SPATA22: variants seen among roughly 807,000 people sequenced by gnomAD.
The protein encoded by SPATA22 is spermatogenesis-associated protein 22.
SPATA22 carries 29 observed loss-of-function variants against 47.8 expected under a neutral mutation model. The observed-to-expected ratio is 0.61, with a 90% CI of 0.45 to 0.83. The LOEUF is 0.83. Among genes scored for constraint, SPATA22 ranks in the 40% least tolerant of loss-of-function variants. The pLI, the probability that SPATA22 is intolerant of heterozygous loss-of-function variation, is 0.00. For missense variants in SPATA22, 410 were observed against 421.7 expected (o/e 0.97, Z 0.24); for synonymous variants, 133 against 140.9 (o/e 0.94, Z 0.40).
rs753011197 is a variant in SPATA22, at chr17:3,446,561, C to G, written c.713G>C (p.Ser238Thr). 1.9e-6 allele frequency: 3 copies of G among 1,600,428 alleles called. No individual in the cohort carries two copies. Among genetic ancestry groups the G allele is most frequent in the African/African-American group, 2.7e-5 (2 of 74,468 alleles). Residue 238 changes from serine to threonine, a missense_variant, in exon 7 of 9, where the codon AGT becomes ACT. Coordinates refer to ENST00000572969, the MANE Select transcript of SPATA22 (RefSeq NM_001170698.2). Reference sequence around the variant, plus strand: ...AACTGCAGAAATAATTCTTAAAGAACTAGCTTTTTCCTTAAACTGTAACTG... The same window carrying G: ...AACTGCAGAAATAATTCTTAAAGAAGTAGCTTTTTCCTTAAACTGTAACTG... Reference protein sequence around the residue: ...LYQLQFKEKASSLRIISAVIE... With the variant: ...LYQLQFKEKATSLRIISAVIE...
intron 1 of SPATA22, among the ~76,000 whole-genome samples, chr17:3,507,342 T>A (rs2074050188): frequency 6.6e-6 from 1 of 152,224 alleles, no homozygotes; most frequent in Admixed American, 6.5e-5. Context: ...TGGCACTTTA[T>A]AAATATTCAT....
At chr17:3,464,772 C>T (rs1371016057) in intron 3 of SPATA22, among the ~76,000 whole-genome samples, 2 of 133,240 alleles carry the variant, frequency 1.5e-5, no homozygotes, top group Non-Finnish European at 3.3e-5. Context: ...AGTGAGGAGC[C>T]CCTCCGCCCG....
At chr17:3,451,957 A>T (rs1241196668) in intron 5 of SPATA22, among the ~76,000 whole-genome samples, 1 of 151,698 alleles carries the variant, frequency 6.6e-6, no homozygotes, top group Non-Finnish European at 1.5e-5. Flanking sequence ...AATTAAAAAA[A>T]AAAAAAAGAA....
chr17:3,459,554 C>T (rs1000784609), intron 5 of SPATA22, among the ~76,000 whole-genome samples: 7 of 152,098 alleles, frequency 4.6e-5, no homozygotes, highest in Admixed American at 6.5e-5. Context: ...TACAGGCATG[C>T]GCCACCACGC....
chr17:3,458,070 A>G (rs1030582009), intron 5 of SPATA22, among the ~76,000 whole-genome samples: 1 of 152,240 alleles, frequency 6.6e-6, no homozygotes, highest in Non-Finnish European at 1.5e-5. Flanking sequence ...TTGGCAAACT[A>G]TGTAACTGTT....
chr17:3,451,668 G>T (rs960012894), intron 5 of SPATA22, among the ~76,000 whole-genome samples: 1 of 152,106 alleles, frequency 6.6e-6, no homozygotes, highest in Admixed American at 6.5e-5. Flanking sequence ...GGAAAAATTC[G>T]CCAGGCATGG....
chr17:3,509,372 T>C (rs1234601711), intron 1 of SPATA22, among the ~76,000 whole-genome samples: 1 of 152,138 alleles, frequency 6.6e-6, no homozygotes, highest in Admixed American at 6.6e-5. Flanking sequence ...TGTGTCCATA[T>C]GTTCTCAATG....
At chr17:3,472,152 C>G (rs1457705658), upstream of SPATA22, 2 of 152,472 alleles carry the variant, frequency 1.3e-5, no homozygotes, top group East Asian at 3.8e-4. Context: ...GGTGGCCACC[C>G]AGAGTGTGCC....
At chr17:3,463,370 T>G (rs1174239383) in intron 3 of SPATA22, among the ~76,000 whole-genome samples, 1 of 152,244 alleles carries the variant, frequency 6.6e-6, no homozygotes, top group African/African-American at 2.4e-5. Flanking sequence ...CTATTGTTCC[T>G]AGGCTACAAA....
At chr17:3,471,443 C>T (rs1597416434) in intron 1 of SPATA22, 24 of 985,468 alleles carry the variant, frequency 2.4e-5, no homozygotes, top group Non-Finnish European at 2.9e-5. Context: ...CCAATCCCAG[C>T]TCCCAAATGG....
At chr17:3,492,517 T>G (rs972213991) in intron 1 of SPATA22, among the ~76,000 whole-genome samples, 2 of 152,208 alleles carry the variant, frequency 1.3e-5, no homozygotes, top group African/African-American at 4.8e-5. Context: ...TATCCTTCTG[T>G]TCAGAGATAG....
At chr17:3,442,172 C>T (rs1402311615) in intron 8 of SPATA22, among the ~76,000 whole-genome samples, 1 of 151,844 alleles carries the variant, frequency 6.6e-6, no homozygotes, top group East Asian at 1.9e-4. Flanking sequence ...TAAAAAACTT[C>T]AGACTAGATA....
intron 1 of SPATA22, among the ~76,000 whole-genome samples, chr17:3,494,686 G>A (rs566891155): frequency 7.2e-5 from 11 of 152,246 alleles, no homozygotes; most frequent in African/African-American, 2.6e-4. Flanking sequence ...CACGCTCAAT[G>A]GAATTTATAG....
At chr17:3,512,474 G>A (rs571159602) in intron 1 of SPATA22, 8 of 152,202 alleles carry the variant, frequency 5.3e-5, no homozygotes, top group Non-Finnish European at 1.2e-4. Flanking sequence ...TTTGCCTCAA[G>A]CCAGATGAAC....
chr17:3,508,578 T>G (rs1161476836), intron 1 of SPATA22, among the ~76,000 whole-genome samples: 1 of 144,062 alleles, frequency 6.9e-6, no homozygotes, highest in Non-Finnish European at 1.5e-5. Context: ...CCATAAAAAA[T>G]GATGAGTTCA....
At chr17:3,456,336 A>T (rs2150713153) in intron 5 of SPATA22, among the ~76,000 whole-genome samples, 1 of 151,138 alleles carries the variant, frequency 6.6e-6, no homozygotes, top group African/African-American at 2.4e-5. Context: ...GAAGACTCAA[A>T]TAGACGCAAT....
chr17:3,499,075 G>A lies in SPATA22; in HGVS notation c.-74+14337C>T, dbSNP rs1350858778. ...ACGCTCAATGCAAAAAGTATTCGCTGCTGTTTACATTAGAAATCACTTCCA... is the reference window on the plus strand; with the variant it reads ...ACGCTCAATGCAAAAAGTATTCGCTACTGTTTACATTAGAAATCACTTCCA... On this transcript the variant is annotated intron_variant, in intron 1 of 8. Transcript: ENST00000541913. The A allele has an allele frequency of 1.9e-6, 3 of 1,613,916 alleles. No individual in the cohort carries two copies. In the Admixed American group the frequency reaches 5.0e-5, roughly 27 times the overall value.
chr17:3,472,625 C>A (rs1204194881), upstream of SPATA22, among the ~76,000 whole-genome samples: 2 of 152,130 alleles, frequency 1.3e-5, no homozygotes, highest in African/African-American at 4.8e-5. Context: ...GCCATTTATC[C>A]GGAACTTACT....
chr17:3,451,943 T>C (rs1336084507), intron 5 of SPATA22, among the ~76,000 whole-genome samples: 2 of 146,030 alleles, frequency 1.4e-5, no homozygotes, highest in Non-Finnish European at 3.0e-5. Flanking sequence ...CGAGACTCTG[T>C]CTCAATTAAA....
Sources: gnomAD v4.1 joint callset for allele counts (sites outside exome capture counted in the v4.1 genomes callset) on GRCh38, gnomAD v4.1.1 for gene constraint, MANE v1.5 for transcripts, NCBI Gene and HGNC (gene_info 2026-07-23, HGNC 2026-07-21) for gene names.